MAF: variants seen among roughly 807,000 people sequenced by gnomAD.
The protein encoded by MAF is MAF bZIP transcription factor.
A neutral mutation model predicts 22.0 loss-of-function variants in MAF; 10 were observed. The observed-to-expected ratio is 0.45, with a 90% CI of 0.28 to 0.77. The LOEUF is 0.77. MAF is among the 30% of genes least tolerant of loss of function. The pLI, the probability that MAF is intolerant of heterozygous loss-of-function variation, is 0.12. For missense variants in MAF, 544 were observed against 548.4 expected (o/e 0.99, Z 0.08); for synonymous variants, 337 against 255.8 (o/e 1.32, Z -3.03).
the MAF span, among the ~76,000 whole-genome samples, chr16:79,251,149 A>C: frequency 6.6e-6 from 1 of 152,178 alleles, no homozygotes; most frequent in African/African-American, 2.4e-5. Flanking sequence ...TTGGCTAATA[A>C]GGAGCATACT....
At chr16:79,339,517 G>T in the MAF span, among the ~76,000 whole-genome samples, 1 of 152,196 alleles carries the variant, frequency 6.6e-6, no homozygotes, top group Non-Finnish European at 1.5e-5. Context: ...ACTCTAACCA[G>T]AAACTCCTGA....
chr16:79,290,776 A>T, the MAF span, among the ~76,000 whole-genome samples: 1 of 151,990 alleles, frequency 6.6e-6, no homozygotes, highest in Non-Finnish European at 1.5e-5. Context: ...TCCCAGGGCG[A>T]ATTTGGTGTT....
At chr16:79,391,872 A>AAGGAGGAGG in the MAF span, among the ~76,000 whole-genome samples, 152 of 136,956 alleles carry the variant, frequency 1.1e-3, no homozygotes, top group African/African-American at 4.2e-3. Context: ...GGAGGAGGAG[A>AAGGAGGAGG]AGGAGGAGGA....
chr16:79,583,710 C>T (rs1011163381), downstream of MAF, among the ~76,000 whole-genome samples: 5 of 152,228 alleles, frequency 3.3e-5, no homozygotes, highest in Admixed American at 2.0e-4. Flanking sequence ...CTCCTTGTCA[C>T]AACTCAAGAT....
At chr16:79,500,235 G>A in the MAF span, among the ~76,000 whole-genome samples, 9 of 152,276 alleles carry the variant, frequency 5.9e-5, no homozygotes, top group African/African-American at 2.2e-4. Context: ...TAATGCAGAA[G>A]CTAAATCTGA....
At chr16:79,209,650 G>C in the MAF span, among the ~76,000 whole-genome samples, 2 of 152,168 alleles carry the variant, frequency 1.3e-5, no homozygotes, top group African/African-American at 4.8e-5. Context: ...TCTGGAAGTT[G>C]ATACAAAACA....
the MAF span, among the ~76,000 whole-genome samples, chr16:79,240,658 G>C: frequency 6.6e-6 from 1 of 151,876 alleles, no homozygotes; most frequent in East Asian, 1.9e-4. Flanking sequence ...GCTCTAAAGA[G>C]AGCAGCAGAA....
At chr16:79,268,270 A>C in the MAF span, among the ~76,000 whole-genome samples, 1 of 152,168 alleles carries the variant, frequency 6.6e-6, no homozygotes, top group African/African-American at 2.4e-5. Flanking sequence ...CATGCAAGAA[A>C]AATGTAGTCG....
the MAF span, among the ~76,000 whole-genome samples, chr16:79,207,413 A>C: frequency 6.6e-6 from 1 of 152,232 alleles, no homozygotes; most frequent in Non-Finnish European, 1.5e-5. Flanking sequence ...TGCCGTCTTC[A>C]AAAGGGCTGT....
At chr16:79,452,965 C>T in the MAF span, among the ~76,000 whole-genome samples, 7 of 152,226 alleles carry the variant, frequency 4.6e-5, no homozygotes, top group South Asian at 2.1e-4. Flanking sequence ...TAAGCCTTTG[C>T]GATGTGGAGG....
At chr16:79,507,114 CTTTTTT>C in the MAF span, among the ~76,000 whole-genome samples, 5 of 115,214 alleles carry the variant, frequency 4.3e-5, no homozygotes, top group African/African-American at 1.5e-4. Flanking sequence ...TTTTCTGCGT[CTTTTTT>C]TTTTTTTTTT....
chr16:79,249,218 G>A, the MAF span, among the ~76,000 whole-genome samples: 64,355 of 151,800 alleles, frequency 0.42, 14,167 homozygotes, highest in Non-Finnish European at 0.5. Flanking sequence ...TCGGGAGTTC[G>A]AGACCAGCCT....
At chr16:79,501,006 G>A in the MAF span, among the ~76,000 whole-genome samples, 3 of 152,120 alleles carry the variant, frequency 2.0e-5, no homozygotes, top group Admixed American at 6.5e-5. Context: ...CTGACCCACC[G>A]CTAGTGCATT....
chr16:79,232,134 T>A, the MAF span, among the ~76,000 whole-genome samples: 1 of 152,048 alleles, frequency 6.6e-6, no homozygotes, highest in African/African-American at 2.4e-5. Context: ...GCTACTCACC[T>A]CTTACTGCGC....
At chr16:79,306,884 C>A in the MAF span, among the ~76,000 whole-genome samples, 281 of 152,302 alleles carry the variant, frequency 1.8e-3, no homozygotes, top group African/African-American at 6.6e-3. Flanking sequence ...ACAGTAGCTG[C>A]ATTACAGGGT....
the MAF span, among the ~76,000 whole-genome samples, chr16:79,230,116 C>G: frequency 1.2e-4 from 19 of 152,116 alleles, no homozygotes; most frequent in Non-Finnish European, 2.9e-5. Flanking sequence ...CACATACATG[C>G]TGAGTGACTC....
chr16:79,299,012 C>T, the MAF span, among the ~76,000 whole-genome samples: 1 of 152,260 alleles, frequency 6.6e-6, no homozygotes, highest in African/African-American at 2.4e-5. Context: ...CTAAGGAATC[C>T]TTCTTTGGGC....
chr16:79,440,132 A>G, the MAF span, among the ~76,000 whole-genome samples: 3 of 152,194 alleles, frequency 2.0e-5, no homozygotes, highest in Admixed American at 1.3e-4. Flanking sequence ...GAGTTGCACC[A>G]CTACCACCTG....
chr16:79,209,814 G>A, the MAF span, among the ~76,000 whole-genome samples: 70 of 152,184 alleles, frequency 4.6e-4, no homozygotes, highest in Non-Finnish European at 2.1e-4. Context: ...ACCCCTTGAA[G>A]TTGTTTAGAT....
Sources: gnomAD v4.1 joint callset for allele counts (sites outside exome capture counted in the v4.1 genomes callset) on GRCh38, gnomAD v4.1.1 for gene constraint, MANE v1.5 for transcripts, NCBI Gene and HGNC (gene_info 2026-07-23, HGNC 2026-07-21) for gene names.